Variants in ZBTB8B observed in about 807,000 individuals in gnomAD.
The protein encoded by ZBTB8B is zinc finger and BTB domain-containing protein 8B.
In ZBTB8B, 17 loss-of-function variants were observed where a neutral mutation model predicts 30.3. The observed-to-expected ratio is 0.56, with a 90% CI of 0.38 to 0.84. The LOEUF (loss-of-function observed/expected upper bound fraction) is 0.84, where lower values mean the gene tolerates loss of function less well. ZBTB8B is among the 40% of genes least tolerant of loss of function. The pLI is 0.00. For missense variants in ZBTB8B, 515 were observed against 644.9 expected, an observed-to-expected ratio of 0.80 and a Z score of 2.18; for synonymous variants, 248 against 255.6, an observed-to-expected ratio of 0.97 and a Z score of 0.28.
In ZBTB8B at chr1:32,496,194, G is replaced by A. The variant is rs1255334184; in HGVS notation, c.*10776G>A. ...GACAATTTCTGGCAGACTATCCCAA[G>A]CTGGGACATTTTAGATTCTGTGAAA... is the stretch of plus-strand genomic sequence containing the variant. On this transcript the variant is annotated 3_prime_UTR_variant, in exon 4 of 4. Coordinates refer to ENST00000609129, the MANE Select transcript of ZBTB8B (RefSeq NM_001145720.2). 1 of 152,156 alleles carries A rather than the reference G, an allele frequency of 6.6e-6. No individual in the cohort carries two copies. Among genetic ancestry groups the A allele is most frequent in the Non-Finnish European group, 1.5e-5 (1 of 68,032 alleles). 9.4% of individuals were successfully genotyped at this position (152,156 alleles called of 1,614,324 possible).
chr1:32,480,484 A>G (rs917532744), intron 2 of ZBTB8B, among the ~76,000 whole-genome samples: 6 of 152,224 alleles, frequency 3.9e-5, no homozygotes, highest in Admixed American at 2.0e-4. Flanking sequence ...AATTAAGTCC[A>G]TAACAGAGTC....
chr1:32,469,263 T>TTTTTTTA (rs1643597991), intron 1 of ZBTB8B, among the ~76,000 whole-genome samples: 1 of 150,036 alleles, frequency 6.7e-6, no homozygotes, highest in African/African-American at 2.5e-5. Context: ...TTTTTTTTTT[T>TTTTTTTA]GAGACAGAAT....
chr1:32,496,493 A>T lies in ZBTB8B; in HGVS notation c.*11075A>T, dbSNP rs914958709. The T allele has an allele frequency of 6.6e-6, 1 of 152,242 alleles. No individual in the cohort carries two copies. The highest frequency in any genetic ancestry group is 2.4e-5 in the African/African-American group (1 of 41,462). 9.4% of individuals were successfully genotyped at this position (152,242 alleles called of 1,614,324 possible). A position where few individuals can be genotyped will look rare whatever the true frequency, so the allele number is the denominator to read the frequency against. ...TGGAAATCATCTTGACCATTAAAAAAATAGCAACTGATACCTTGTTTAACA... is the reference window on the plus strand; with the variant it reads ...TGGAAATCATCTTGACCATTAAAAATATAGCAACTGATACCTTGTTTAACA... On this transcript the variant is annotated 3_prime_UTR_variant, in exon 4 of 4. Transcript: ENST00000609129.
chr1:32,491,379 AG>A lies in ZBTB8B; in HGVS notation c.*5964del, dbSNP rs1643778704. ...GCAAATAATACTGCAGTGCCCTCCAAGGGTCTTAGGCCCAACTGAAGGTTTA... is the reference window on the plus strand; with the variant it reads ...GCAAATAATACTGCAGTGCCCTCCAAGGTCTTAGGCCCAACTGAAGGTTTA... On this transcript the variant is annotated 3_prime_UTR_variant, in exon 4 of 4. Transcript: ENST00000609129. 1 of 152,212 alleles carries A rather than the reference AG, an allele frequency of 6.6e-6. No homozygotes were observed. The highest frequency in any genetic ancestry group is 2.1e-4 in the South Asian group (1 of 4,838). The allele number at this position is 152,212 out of a possible 1,614,324, so 9.4% of individuals were successfully genotyped here. A position where few individuals can be genotyped will look rare whatever the true frequency, so the allele number is the denominator to read the frequency against.
At position 32,468,884 on chromosome 1, in the gene ZBTB8B, A is replaced by G. The variant is rs78328647; in HGVS notation, c.-41-1700A>G. ...TCAAAAAAAAAAAAAGACCAGTCTC[A>G]AAGTTTTGAATTGGGACACTGGAGG... On this transcript the variant is annotated intron_variant, in intron 1 of 3. Transcript: ENST00000609129. Among the ~76,000 whole-genome samples the G allele has an allele frequency of 3.3e-3, 503 of 151,754 alleles. 5 individuals are homozygous for G. The highest frequency in any genetic ancestry group is 3.1e-3 in the Non-Finnish European group (212 of 67,922).
At position 32,488,679 on chromosome 1, in the gene ZBTB8B, C is replaced by A; in HGVS notation, c.*3261C>A. The A allele has an allele frequency of 6.6e-6, 1 of 152,154 alleles. No homozygotes were observed. The highest frequency in any genetic ancestry group is 1.9e-4 in the East Asian group (1 of 5,200). 9.4% of individuals were successfully genotyped at this position (152,154 alleles called of 1,614,324 possible). ...GTAATACCAATGTTGAGAAACTCTG[C>A]TGTAAGATAAAGTAGGATTTTTTAA... On this transcript the variant is annotated 3_prime_UTR_variant, in exon 4 of 4. Transcript: ENST00000609129.
chr1:32,480,574 A>T (rs1201228470), intron 2 of ZBTB8B, among the ~76,000 whole-genome samples: 1 of 152,246 alleles, frequency 6.6e-6, no homozygotes, highest in African/African-American at 2.4e-5. Context: ...TTTTCCAGTT[A>T]TCCACATAAG....
chr1:32,480,884 TC>T lies in ZBTB8B; in HGVS notation c.992-3del, dbSNP rs1165338122. 4 of 1,550,258 alleles carry T rather than the reference TC, an allele frequency of 2.6e-6. No homozygotes were observed. The highest frequency in any genetic ancestry group is 3.5e-6 in the Non-Finnish European group (4 of 1,146,172). On this transcript the variant is annotated splice_region_variant and splice_polypyrimidine_tract_variant and intron_variant, in intron 2 of 3. Coordinates refer to ENST00000609129, the MANE Select transcript of ZBTB8B (RefSeq NM_001145720.2). ...GCACAGCTAAATGAAAGCATTTGGTTCCCCAGGTGATGTGCTGGTGGTCCCC... is the reference window on the plus strand; with the variant it reads ...GCACAGCTAAATGAAAGCATTTGGTTCCCAGGTGATGTGCTGGTGGTCCCC...
chr1:32,473,512 CT>C (rs11300546), intron 2 of ZBTB8B, among the ~76,000 whole-genome samples: 96,946 of 112,132 alleles, frequency 0.86, 41,725 homozygotes, highest in South Asian at 0.94. Flanking sequence ...TGTCTTGAGA[CT>C]TTTTTTTTTT....
rs1309058098 is a variant in ZBTB8B, at chr1:32,486,149, G to A, written c.*731G>A. 6.6e-6 allele frequency: 1 copy of A among 152,180 alleles called. No homozygotes were observed. The highest frequency in any genetic ancestry group is 1.5e-5 in the Non-Finnish European group (1 of 68,040). The allele number at this position is 152,180 out of a possible 1,614,324, so 9.4% of individuals were successfully genotyped here. A position where few individuals can be genotyped will look rare whatever the true frequency, so the allele number is the denominator to read the frequency against. The stretch of plus-strand genomic sequence containing the variant: ...TTTGACGATTCTACACATACAACCT[G>A]TTCTGTTATCATAAAACAACTCATT... On this transcript the variant is annotated 3_prime_UTR_variant, in exon 4 of 4. Coordinates refer to ENST00000609129, the MANE Select transcript of ZBTB8B (RefSeq NM_001145720.2).
At chr1:32,472,126 T>C (rs1364464042) in intron 2 of ZBTB8B, among the ~76,000 whole-genome samples, 1 of 152,192 alleles carries the variant, frequency 6.6e-6, no homozygotes, top group African/African-American at 2.4e-5. Context: ...GTCACCATTA[T>C]TGCCACCACC....
At chr1:32,466,359 A>T (rs1432957717) in intron 1 of ZBTB8B, among the ~76,000 whole-genome samples, 1 of 152,212 alleles carries the variant, frequency 6.6e-6, no homozygotes, top group Non-Finnish European at 1.5e-5. Flanking sequence ...TATTCCTGGC[A>T]TCTTCCTTGT....
At chr1:32,466,192 G>A (rs183443140) in intron 1 of ZBTB8B, among the ~76,000 whole-genome samples, 5 of 152,254 alleles carry the variant, frequency 3.3e-5, no homozygotes, top group Admixed American at 2.6e-4. Flanking sequence ...AGAAAGGGTC[G>A]GAGGTGGAAT....
chr1:32,471,708 T>G, intron 2 of ZBTB8B, 93 bp downstream of exon 2: 1 of 1,349,918 alleles, frequency 7.4e-7, no homozygotes, highest in Non-Finnish European at 9.9e-7. Flanking sequence ...ATTATCACCA[T>G]CATCATTGTC....
At chr1:32,475,959 C>T (rs376440344) in intron 2 of ZBTB8B, among the ~76,000 whole-genome samples, 17 of 151,096 alleles carry the variant, frequency 1.1e-4, no homozygotes, top group South Asian at 6.3e-4. Flanking sequence ...CTGGAATTAC[C>T]GGCGGGCATC....
chr1:32,480,127 A>C (rs759818017), intron 2 of ZBTB8B, among the ~76,000 whole-genome samples: 17 of 152,234 alleles, frequency 1.1e-4, no homozygotes, highest in South Asian at 2.1e-4. Context: ...AGAGTGCCCC[A>C]GACTGGGAAG....
intron 2 of ZBTB8B, among the ~76,000 whole-genome samples, chr1:32,476,283 G>A (rs542532617): frequency 6.6e-6 from 1 of 152,240 alleles, no homozygotes; most frequent in African/African-American, 2.4e-5. Flanking sequence ...TTATAAGCAT[G>A]AGCCACCATG....
At chr1:32,474,185 A>G (rs1643644543) in intron 2 of ZBTB8B, among the ~76,000 whole-genome samples, 1 of 151,424 alleles carries the variant, frequency 6.6e-6, no homozygotes, top group Non-Finnish European at 1.5e-5. Flanking sequence ...AAGAGCACTC[A>G]GTGTGTCTGA....
In ZBTB8B at chr1:32,494,287, C is replaced by A. The variant is rs1643801232; in HGVS notation, c.*8869C>A. 2 of 151,298 alleles carry A rather than the reference C, an allele frequency of 1.3e-5. No homozygotes were observed. The highest frequency in any genetic ancestry group is 4.9e-5 in the African/African-American group (2 of 41,176). 9.4% of individuals were successfully genotyped at this position (151,298 alleles called of 1,614,324 possible). On this transcript the variant is annotated 3_prime_UTR_variant, in exon 4 of 4. Transcript: ENST00000609129. ...AAGGGACAGGAGAGATAGTCTAGTC[C>A]AACTCCATGTGACAGATGAAATGAC... is the stretch of plus-strand genomic sequence containing the variant.
Sources: gnomAD v4.1 joint callset for allele counts (sites outside exome capture counted in the v4.1 genomes callset) on GRCh38, gnomAD v4.1.1 for gene constraint, MANE v1.5 for transcripts, NCBI Gene and HGNC (gene_info 2026-07-23, HGNC 2026-07-21) for gene names.